The following UGT2B17 variants were observed in gnomAD, a reference collection of about 807,000 sequenced individuals.
UGT2B17 encodes UDP-glucuronosyltransferase 2B17.
UGT2B17 carries 21 observed loss-of-function variants against 48.2 expected under a neutral mutation model. The ratio of observed to expected loss-of-function variants is 0.44; its 90% CI spans 0.31 to 0.63. The LOEUF is 0.63. UGT2B17 is among the 20% of genes least tolerant of loss of function. The pLI is 0.08. For synonymous variants in UGT2B17, 146 were observed against 238.4 expected (o/e 0.61, Z 3.57); for missense variants, 402 against 696.1 (o/e 0.58, Z 4.75).
Position 68,569,741 on chromosome 4 carries a change from C to T in UGT2B17, c.-64-1193G>A, listed in dbSNP as rs943168232. Among the ~76,000 whole-genome samples the T allele has an allele frequency of 4.0e-5, 5 of 126,142 alleles. 2 individuals carry two copies. Among genetic ancestry groups the T allele is most frequent in the Non-Finnish European group, 8.4e-5 (5 of 59,468 alleles). The allele number at this position is 126,142 out of a possible 152,430, so 82.8% of individuals were successfully genotyped here. On this transcript the variant is annotated intron_variant, in intron 1 of 6. Transcript: ENST00000317746. Reference sequence around the variant, plus strand: ...TGAAGATCAAGAGGCCATCCAGATACTACATAGCAGTCACGTTAGATTGGG... The same window carrying T: ...TGAAGATCAAGAGGCCATCCAGATATTACATAGCAGTCACGTTAGATTGGG...
At chr4:68,566,184 T>C (rs10029653) in intron 2 of UGT2B17, among the ~76,000 whole-genome samples, 114,043 of 116,608 alleles carry the variant, frequency 0.98, 56,313 homozygotes, top group East Asian at 1. Context: ...TAATTTAATA[T>C]AATGTAAATA....
intron 1 of UGT2B17, among the ~76,000 whole-genome samples, chr4:68,570,979 C>A (rs1233664426): frequency 7.9e-6 from 1 of 126,254 alleles, no homozygotes; most frequent in Non-Finnish European, 1.7e-5. Flanking sequence ...CAGCTGCTAG[C>A]AAGTAGTCAA....
chr4:68,549,746 C>T lies in UGT2B17; in HGVS notation c.1313+931G>A, dbSNP rs1291036981. Among the ~76,000 whole-genome samples the T allele has an allele frequency of 3.2e-5, 4 of 125,782 alleles. 2 individuals carry two copies. The highest frequency in any genetic ancestry group is 6.7e-5 in the Non-Finnish European group (4 of 59,428). 82.5% of individuals were successfully genotyped at this position (125,782 alleles called of 152,430 possible). On this transcript the variant is annotated intron_variant, in intron 6 of 6. Coordinates refer to ENST00000317746, the MANE Select transcript of UGT2B17 (RefSeq NM_001077.4). ...TACTTTGAAAAACAGTTTAGCCATT[C>T]TTCATAAACAACAATTTCCCATATG...
At chr4:68,538,562 TTG>T (rs1283079067) in intron 6 of UGT2B17, among the ~76,000 whole-genome samples, 1 of 126,018 alleles carries the variant, frequency 7.9e-6, no homozygotes, top group African/African-American at 2.7e-5. Flanking sequence ...TAAAGAAGAA[TTG>T]TGTCACAACT....
rs772489552 is a variant in UGT2B17, at chr4:68,568,056, C to G, written c.429G>C (p.Glu143Asp). The change falls in exon 2 of 7, where the codon GAG becomes GAC. Residue 143 changes from glutamate (E) to aspartate (D), a missense_variant. Glu to Asp is a conservative substitution (Grantham distance 45). This residue lies in a region of UGT2B17 where 84 missense variants were observed against 92.6 expected (regional missense o/e 0.91). Coordinates refer to ENST00000317746, the MANE Select transcript of UGT2B17 (RefSeq NM_001077.4). ...LNKKLMRKLQ[E>D]SKFDVLLADA... ...CTGCCAGAAGGACATCAAATTTTGA[C>G]TCTTGTAGTTTTCTCATAAGTTTCT... 4 of 1,382,928 alleles carry G rather than the reference C, an allele frequency of 2.9e-6. 1 individual carries two copies. Among genetic ancestry groups the G allele is most frequent in the East Asian group, 1.7e-4 (2 of 12,102 alleles). The allele number at this position is 1,382,928 out of a possible 1,614,324, so 85.7% of individuals were successfully genotyped here.
chr4:68,560,816 G>A (rs1359353933), intron 3 of UGT2B17, 148 bp from the exon 4 acceptor site: 1 of 614,700 alleles, frequency 1.6e-6, no homozygotes, highest in Non-Finnish European at 2.5e-6. Flanking sequence ...TTCTTTGAAA[G>A]GAGATGTGTA....
chr4:68,547,166 T>C (rs1730828818), intron 6 of UGT2B17, among the ~76,000 whole-genome samples: 3 of 118,078 alleles, frequency 2.5e-5, no homozygotes, highest in Admixed American at 1.8e-4. Flanking sequence ...ACTACCTGAC[T>C]TCAAACTATA....
rs779994841 is a variant in UGT2B17, at chr4:68,560,022, C to T, written c.1005+515G>A. Among the ~76,000 whole-genome samples, 26 of 132,508 alleles carry T rather than the reference C, an allele frequency of 2.0e-4. 3 individuals carry two copies. The highest frequency in any genetic ancestry group is 6.2e-4 in the African/African-American group (24 of 38,420). The allele number at this position is 132,508 out of a possible 152,430, so 86.9% of individuals were successfully genotyped here. On this transcript the variant is annotated intron_variant, in intron 4 of 6. Transcript: ENST00000317746. ...TCTCTGAATGGCACCCTGAACAGAACGCTAAATAGACCTATTCCAATGCAT... is the reference window on the plus strand; with the variant it reads ...TCTCTGAATGGCACCCTGAACAGAATGCTAAATAGACCTATTCCAATGCAT...
At chr4:68,575,129 C>G (rs1426902882) in intron 1 of UGT2B17, among the ~76,000 whole-genome samples, 3 of 123,122 alleles carry the variant, frequency 2.4e-5, no homozygotes, top group African/African-American at 8.4e-5. Flanking sequence ...TTTCAATTAT[C>G]CTTTGCTATT....
In UGT2B17 at chr4:68,537,853, CA is replaced by C. The variant is rs749581895; in HGVS notation, c.1364del (p.Val455GlyfsTer40). Reference protein sequence around the residue: ...KLSRIHHDQPVKPLDRAVFWI... With the variant: ...KLSRIHHDQPXKPLDRAVFWI... ...AGAAGACTGCTCGATCCAGGGGCTT[CA>C]CCGGTTGATCATGATGAATTCTTGA... On this transcript the variant is annotated frameshift_variant, in exon 7 of 7. Coordinates refer to ENST00000317746, the MANE Select transcript of UGT2B17 (RefSeq NM_001077.4). LOFTEE classifies it low-confidence loss of function (END_TRUNC). The C allele has an allele frequency of 7.3e-7, 1 of 1,376,822 alleles. No individual in the cohort carries two copies. The highest frequency in any genetic ancestry group is 1.5e-5 in the African/African-American group (1 of 67,870). The allele number at this position is 1,376,822 out of a possible 1,614,324, so 85.3% of individuals were successfully genotyped here. A position where few individuals can be genotyped will look rare whatever the true frequency, so the allele number is the denominator to read the frequency against.
In UGT2B17 at chr4:68,568,061, G is replaced by T. The variant is rs761172271; in HGVS notation, c.424C>A (p.Gln142Lys). Reference sequence around the variant, plus strand: ...AGAAGGACATCAAATTTTGACTCTTGTAGTTTTCTCATAAGTTTCTTGTTC... The same window carrying T: ...AGAAGGACATCAAATTTTGACTCTTTTAGTTTTCTCATAAGTTTCTTGTTC... ...VLNKKLMRKL[Q>K]ESKFDVLLAD... Residue 142 changes from glutamine to lysine, a missense_variant, in exon 2 of 7, where the codon CAA (glutamine) becomes AAA (lysine). Around this residue, in one of 5 missense-constraint regions of UGT2B17, gnomAD observed 84 missense variants for 92.6 expected, o/e 0.91. Coordinates refer to ENST00000317746, the MANE Select transcript of UGT2B17 (RefSeq NM_001077.4). 8 of 1,382,824 alleles carry T rather than the reference G, an allele frequency of 5.8e-6. 2 individuals carry two copies. Among genetic ancestry groups the T allele is most frequent in the Non-Finnish European group, 7.6e-6 (8 of 1,055,414 alleles). The allele number at this position is 1,382,824 out of a possible 1,614,324, so 85.7% of individuals were successfully genotyped here.
rs1368289997 is a variant in UGT2B17 at position 68,568,757 on chromosome 4, C to T, written c.-64-209G>A. Among the ~76,000 whole-genome samples the T allele has an allele frequency of 1.1e-4, 14 of 126,610 alleles. 3 individuals carry two copies. The highest frequency in any genetic ancestry group is 3.2e-4 in the Admixed American group (4 of 12,478). 83.1% of individuals were successfully genotyped at this position (126,610 alleles called of 152,430 possible). ...GGCAGGTGAGAGGCTCCTGCCTGTTCGGTGCCCTTGACATAGAGAGAAGAA... is the reference window on the plus strand; with the variant it reads ...GGCAGGTGAGAGGCTCCTGCCTGTTTGGTGCCCTTGACATAGAGAGAAGAA... On this transcript the variant is annotated intron_variant, in intron 1 of 6. Coordinates refer to ENST00000317746, the MANE Select transcript of UGT2B17 (RefSeq NM_001077.4).
intron 6 of UGT2B17, among the ~76,000 whole-genome samples, chr4:68,544,677 A>T (rs1730758260): frequency 7.9e-6 from 1 of 126,178 alleles, no homozygotes; most frequent in Non-Finnish European, 1.7e-5. Flanking sequence ...AAGACCCATC[A>T]CTGTGCTGTA....
intron 4 of UGT2B17, among the ~76,000 whole-genome samples, chr4:68,558,915 C>T (rs993783252): frequency 8.0e-6 from 1 of 125,130 alleles, no homozygotes; most frequent in Non-Finnish European, 1.7e-5. Context: ...ATGCCTCTTC[C>T]CTGCTTCAAG....
intron 3 of UGT2B17, among the ~76,000 whole-genome samples, chr4:68,561,177 T>G (rs1471417813): frequency 8.1e-6 from 1 of 123,526 alleles, no homozygotes; most frequent in Non-Finnish European, 1.7e-5. Flanking sequence ...TTAGTTACAA[T>G]TAGAATGATT....
At chr4:68,562,842 C>T (rs1279485599) in intron 3 of UGT2B17, among the ~76,000 whole-genome samples, 1 of 125,544 alleles carries the variant, frequency 8.0e-6, no homozygotes, top group African/African-American at 2.7e-5. Flanking sequence ...CCTTTTTATC[C>T]TACAAAAAAA....
At chr4:68,538,517 C>T (rs1730594566) in intron 6 of UGT2B17, among the ~76,000 whole-genome samples, 1 of 125,992 alleles carries the variant, frequency 7.9e-6, no homozygotes, top group Admixed American at 8.2e-5. Context: ...GCCCTACAGA[C>T]ATGAACCACT....
intron 3 of UGT2B17, among the ~76,000 whole-genome samples, chr4:68,561,672 A>AT (rs1186395360): frequency 8.2e-6 from 1 of 121,824 alleles, no homozygotes; most frequent in African/African-American, 2.8e-5. Flanking sequence ...CCTGGTAAAT[A>AT]TGTGTTTGCT....
chr4:68,547,463 A>G (rs1260470908), intron 6 of UGT2B17, among the ~76,000 whole-genome samples: 1 of 125,972 alleles, frequency 7.9e-6, no homozygotes, highest in African/African-American at 2.7e-5. Context: ...ACCTAAAACC[A>G]TAAAAACTCT....
Sources: allele counts gnomAD v4.1 joint callset (sites outside exome capture counted in the v4.1 genomes callset), GRCh38; gene constraint gnomAD v4.1.1; regional missense constraint gnomAD v4.1.1; transcripts MANE v1.5; gene names NCBI Gene and HGNC (gene_info 2026-07-23, HGNC 2026-07-21).